The following SH3GL2 variants were observed in gnomAD, a reference collection of about 807,000 sequenced individuals.
SH3GL2 encodes SH3 domain containing GRB2 like 2, endophilin A1.
In SH3GL2, 24 loss-of-function variants were observed where a neutral mutation model predicts 46.0. The ratio of observed to expected loss-of-function variants is 0.52; its 90% confidence interval spans 0.38 to 0.73. The LOEUF (loss-of-function observed/expected upper bound fraction) is 0.73. Among genes scored for constraint, SH3GL2 ranks in the 30% least tolerant of loss-of-function variants. The pLI is 0.00. For synonymous variants in SH3GL2, 196 were observed against 147.1 expected (o/e 1.33, Z -2.40); for missense variants, 413 against 424.2 (o/e 0.97, Z 0.23).
chr9:17,756,954 T>C (rs1207954138), intron 2 of SH3GL2, among the ~76,000 whole-genome samples: 2 of 152,186 alleles, frequency 1.3e-5, no homozygotes, highest in African/African-American at 2.4e-5. Flanking sequence ...AGTGTAAAAG[T>C]GTTCCTATTT....
At chr9:17,743,727 G>A (rs1320633009) in intron 1 of SH3GL2, among the ~76,000 whole-genome samples, 2 of 152,160 alleles carry the variant, frequency 1.3e-5, no homozygotes, top group Non-Finnish European at 2.9e-5. Flanking sequence ...CTACTGTGGT[G>A]CTATGCTGTG....
intron 1 of SH3GL2, among the ~76,000 whole-genome samples, chr9:17,629,648 A>C (rs547764109): frequency 6.6e-6 from 1 of 152,214 alleles, no homozygotes; most frequent in Non-Finnish European, 1.5e-5. Context: ...TTGGTTATTT[A>C]GCACTATATC....
chr9:17,629,324 T>C (rs897795250), intron 1 of SH3GL2, among the ~76,000 whole-genome samples: 1 of 152,238 alleles, frequency 6.6e-6, no homozygotes, highest in Non-Finnish European at 1.5e-5. Context: ...GTATTTTTCC[T>C]AAAATTGTGA....
At chr9:17,735,919 G>C (rs945342158) in intron 1 of SH3GL2, 1 of 164,972 alleles carries the variant, frequency 6.1e-6, no homozygotes, top group Admixed American at 6.5e-5. Flanking sequence ...GACAAGTACA[G>C]TTCTGATACC....
At chr9:17,607,515 C>G (rs1449408608) in intron 1 of SH3GL2, among the ~76,000 whole-genome samples, 1 of 152,098 alleles carries the variant, frequency 6.6e-6, no homozygotes, top group African/African-American at 2.4e-5. Flanking sequence ...TTTTTCAGGT[C>G]TTATAATCTT....
intron 1 of SH3GL2, among the ~76,000 whole-genome samples, chr9:17,632,225 T>C (rs1819443416): frequency 1.3e-5 from 2 of 152,202 alleles, no homozygotes; most frequent in Non-Finnish European, 1.5e-5. Context: ...AGTGAAATAC[T>C]ACAAAGAAGT....
chr9:17,602,608 T>TA (rs923180408), intron 1 of SH3GL2, among the ~76,000 whole-genome samples: 1 of 152,116 alleles, frequency 6.6e-6, no homozygotes, highest in Non-Finnish European at 1.5e-5. Context: ...CCTGGCAGTA[T>TA]AAAAAAACTT....
chr9:17,720,258 G>C (rs527417452), intron 1 of SH3GL2, among the ~76,000 whole-genome samples: 10 of 152,224 alleles, frequency 6.6e-5, no homozygotes, highest in African/African-American at 2.2e-4. Context: ...GACAAAAGAA[G>C]AAAGTTACTT....
At chr9:17,704,279 A>T (rs1391175866) in intron 1 of SH3GL2, among the ~76,000 whole-genome samples, 1 of 152,124 alleles carries the variant, frequency 6.6e-6, no homozygotes, top group Non-Finnish European at 1.5e-5. Flanking sequence ...ACACTGCTCA[A>T]AGAAATCGGA....
chr9:17,698,762 T>C (rs374802126), intron 1 of SH3GL2, among the ~76,000 whole-genome samples: 54 of 152,350 alleles, frequency 3.5e-4, no homozygotes, highest in African/African-American at 1.3e-3. Context: ...AGGTCACAAG[T>C]ACAGATGTTT....
intron 5 of SH3GL2, among the ~76,000 whole-genome samples, chr9:17,787,889 A>G (rs1170709275): frequency 1.3e-5 from 2 of 152,198 alleles, no homozygotes; most frequent in African/African-American, 4.8e-5. Flanking sequence ...GTTAGCTTAA[A>G]TAAATAGTTA....
At chr9:17,621,771 C>T (rs1217697164) in intron 1 of SH3GL2, among the ~76,000 whole-genome samples, 1 of 152,158 alleles carries the variant, frequency 6.6e-6, no homozygotes, top group African/African-American at 2.4e-5. Flanking sequence ...AAAGCCATTA[C>T]ATGGATCACT....
intron 5 of SH3GL2, among the ~76,000 whole-genome samples, chr9:17,787,962 A>T (rs943849994): frequency 6.6e-6 from 1 of 152,100 alleles, no homozygotes; most frequent in Non-Finnish European, 1.5e-5. Context: ...GATGGATGTT[A>T]TGTGTTTTTA....
At chr9:17,590,933 T>A (rs1319466681) in intron 1 of SH3GL2, 1 of 152,172 alleles carries the variant, frequency 6.6e-6, no homozygotes, top group African/African-American at 2.4e-5. Flanking sequence ...AATTTTTTTG[T>A]ATTTTTGGTA....
At chr9:17,586,837 G>A (rs973100488) in intron 1 of SH3GL2, among the ~76,000 whole-genome samples, 16 of 152,288 alleles carry the variant, frequency 1.1e-4, no homozygotes, top group African/African-American at 3.4e-4. Flanking sequence ...ATGAGATTTG[G>A]GTGGGGACAC....
At chr9:17,703,847 A>G (rs1293091259) in intron 1 of SH3GL2, among the ~76,000 whole-genome samples, 1 of 152,084 alleles carries the variant, frequency 6.6e-6, no homozygotes, top group Admixed American at 6.6e-5. Flanking sequence ...AGCCAGCATC[A>G]TACTGAATGA....
chr9:17,633,881 A>G (rs986389789), intron 1 of SH3GL2, among the ~76,000 whole-genome samples: 29 of 152,240 alleles, frequency 1.9e-4, no homozygotes, highest in African/African-American at 6.0e-4. Flanking sequence ...TAAGGAAGCT[A>G]AAAGTTTTGA....
intron 1 of SH3GL2, among the ~76,000 whole-genome samples, chr9:17,621,062 G>T (rs918918252): frequency 6.6e-6 from 1 of 152,116 alleles, no homozygotes; most frequent in South Asian, 2.1e-4. Flanking sequence ...TGTGGTTTTC[G>T]TGTATGAAAA....
At chr9:17,672,847 A>C (rs1306350729) in intron 1 of SH3GL2, among the ~76,000 whole-genome samples, 1 of 152,216 alleles carries the variant, frequency 6.6e-6, no homozygotes, top group Non-Finnish European at 1.5e-5. Flanking sequence ...AATGACTTCC[A>C]AATGCATACC....
Sources: allele counts gnomAD v4.1 joint callset (sites outside exome capture counted in the v4.1 genomes callset), GRCh38; gene constraint gnomAD v4.1.1; transcripts MANE v1.5; gene names NCBI Gene and HGNC (gene_info 2026-07-23, HGNC 2026-07-21).